The following PCDHA3 variants were observed in gnomAD, a reference collection of about 807,000 sequenced individuals.
PCDHA3 encodes protocadherin alpha-3.
In PCDHA3, 41 loss-of-function variants were observed where a neutral mutation model predicts 62.2. The ratio of observed to expected loss-of-function variants is 0.66; its 90% CI spans 0.51 to 0.86. PCDHA3 has a LOEUF of 0.86. Ranked by LOEUF, PCDHA3 falls within the 40% of genes least tolerant of loss-of-function variation. The pLI is 0.00. For missense variants in PCDHA3, 1,304 were observed against 1,241.2 expected (o/e 1.05, Z -0.76); for synonymous variants, 640 against 555.4 (o/e 1.15, Z -2.14).
At position 141,010,202 on chromosome 5, in the gene PCDHA3, GC is replaced by G. The variant is rs1308553255; in HGVS notation, c.*267del. 6.4e-7 allele frequency: 1 copy of G among 1,551,944 alleles called. No individual in the cohort carries two copies. The highest frequency in any genetic ancestry group is 8.7e-7 in the Non-Finnish European group (1 of 1,147,050). The stretch of plus-strand genomic sequence containing the variant: ...CAGACCCAAGTTTCCTTTCTCCTCC[GC>G]CGCAAAGGAGAGGCTTCCCAGCCCC... On this transcript the variant is annotated 3_prime_UTR_variant, in exon 4 of 4. Transcript: ENST00000522353.
chr5:140,851,867 A>T, intron 1 of PCDHA3: 2 of 977,010 alleles, frequency 2.0e-6, no homozygotes, highest in South Asian at 9.5e-5. Context: ...CATACATAAC[A>T]CAAGGCAGAA....
At chr5:140,883,165 T>C in intron 1 of PCDHA3, 1 of 1,613,752 alleles carries the variant, frequency 6.2e-7, no homozygotes, top group Non-Finnish European at 8.5e-7. Context: ...ATCCGAACAA[T>C]GGAGAAATTA....
chr5:140,970,400 C>T (rs1586425210), intron 1 of PCDHA3, among the ~76,000 whole-genome samples: 1 of 152,162 alleles, frequency 6.6e-6, no homozygotes, highest in Non-Finnish European at 1.5e-5. Context: ...AAGTGGATGG[C>T]TTACCCTACA....
intron 1 of PCDHA3, chr5:140,969,130 C>A (rs1353677478): frequency 2.5e-6 from 4 of 1,614,132 alleles, no homozygotes; most frequent in Non-Finnish European, 1.7e-6. Context: ...GCTCCCTCAC[C>A]AAGACCTACT....
At position 140,844,006 on chromosome 5, in the gene PCDHA3, C is replaced by T. The variant is rs1258789343; in HGVS notation, c.2394+40415C>T. Among the ~76,000 whole-genome samples, 3 of 149,656 alleles carry T rather than the reference C, an allele frequency of 2.0e-5. No homozygotes were observed. In the Admixed American group the frequency reaches 2.0e-4, roughly 10 times the overall value. ...ACAGCCGTCTTCTCTGAACAATACT[C>T]TAAGGACGTTCAGGGCATTTTGATC... is the stretch of plus-strand genomic sequence containing the variant. On this transcript the variant is annotated intron_variant, in intron 1 of 3. Coordinates refer to ENST00000522353, the MANE Select transcript of PCDHA3 (RefSeq NM_018906.3).
chr5:140,836,253 G>T (rs2150256519), intron 1 of PCDHA3: 2 of 1,613,806 alleles, frequency 1.2e-6, no homozygotes, highest in Admixed American at 1.7e-5. Context: ...CCCGTTCCGC[G>T]TGGGGCTGTA....
In PCDHA3 at chr5:140,849,592, G is replaced by A. The variant is rs2040979573; in HGVS notation, c.2394+46001G>A. 1.3e-6 allele frequency: 2 copies of A among 1,598,672 alleles called. No individual in the cohort carries two copies. The highest frequency in any genetic ancestry group is 1.7e-6 in the Non-Finnish European group (2 of 1,167,964). On this transcript the variant is annotated intron_variant, in intron 1 of 3. Coordinates refer to ENST00000522353, the MANE Select transcript of PCDHA3 (RefSeq NM_018906.3). Reference sequence around the variant, plus strand: ...CCTGTAAAAGAGGACGCACAACTGGGGACAGTTATTGCCCTGATTAGTGTG... The same window carrying A: ...CCTGTAAAAGAGGACGCACAACTGGAGACAGTTATTGCCCTGATTAGTGTG...
At chr5:140,971,641 C>T (rs1554233513) in intron 1 of PCDHA3, among the ~76,000 whole-genome samples, 1 of 152,078 alleles carries the variant, frequency 6.6e-6, no homozygotes, top group African/African-American at 2.4e-5. Context: ...CATGTGCCTA[C>T]ATTAAAAGTA....
intron 1 of PCDHA3, chr5:140,860,372 C>A (rs1315450697): frequency 1.3e-5 from 2 of 151,984 alleles, no homozygotes; most frequent in Non-Finnish European, 2.9e-5. Flanking sequence ...CAAAGTGAGA[C>A]CCTATTTCAA....
chr5:140,858,904 C>A (rs2045655579), intron 1 of PCDHA3: 1 of 197,854 alleles, frequency 5.1e-6, no homozygotes, highest in East Asian at 1.5e-4. Context: ...TGTAGCGTAC[C>A]ACAGCTTATA....
Position 140,801,339 on chromosome 5 carries a change from A to T in PCDHA3, c.142A>T (p.Ile48Phe). The T allele has an allele frequency of 6.2e-7, 1 of 1,613,296 alleles. No individual in the cohort carries two copies. The highest frequency in any genetic ancestry group is 8.5e-7 in the Non-Finnish European group (1 of 1,179,912). Residue 48 changes from isoleucine (I) to phenylalanine (F), a missense_variant, in exon 1 of 4, where the codon ATC becomes TTC. Physicochemically the swap from Ile to Phe is conservative, Grantham distance 21. Coordinates refer to ENST00000522353, the MANE Select transcript of PCDHA3 (RefSeq NM_018906.3). ...EAKHGTFVGR[I>F]AQDLGLELAE... ...CAAGCATGGCACCTTCGTGGGCCGC[A>T]TCGCGCAGGACCTGGGGCTGGAGCT...
At chr5:140,993,462 T>TCACACACACACACACACA (rs3836747) in intron 3 of PCDHA3, among the ~76,000 whole-genome samples, 2 of 140,938 alleles carry the variant, frequency 1.4e-5, no homozygotes, top group African/African-American at 5.3e-5. Flanking sequence ...TCTTTCTTTC[T>TCACACACACACACACACA]CACACACACA....
intron 1 of PCDHA3, 188 bp downstream of exon 1, chr5:140,803,779 T>A: frequency 1.1e-6 from 1 of 902,636 alleles, no homozygotes; most frequent in Non-Finnish European, 1.6e-6. Flanking sequence ...AAATCAGCAG[T>A]AAGTTATGAT....
At chr5:140,962,667 C>T (rs576054969) in intron 1 of PCDHA3, among the ~76,000 whole-genome samples, 1 of 152,272 alleles carries the variant, frequency 6.6e-6, no homozygotes, top group East Asian at 1.9e-4. Flanking sequence ...TTCATCTTCC[C>T]ATCCACTGGA....
At chr5:140,870,273 C>G (rs1307506968) in intron 1 of PCDHA3, 3 of 1,614,192 alleles carry the variant, frequency 1.9e-6, no homozygotes, top group South Asian at 2.2e-5. Flanking sequence ...CGCTGACGCC[C>G]CACGTTCCCT....
At chr5:140,995,546 C>T (rs2097688546) in intron 3 of PCDHA3, among the ~76,000 whole-genome samples, 1 of 152,184 alleles carries the variant, frequency 6.6e-6, no homozygotes, top group African/African-American at 2.4e-5. Context: ...AAGGGGCGAT[C>T]ACTGTACTGA....
At chr5:140,876,957 G>T (rs2056730695) in intron 1 of PCDHA3, 7 of 1,613,178 alleles carry the variant, frequency 4.3e-6, no homozygotes, top group Non-Finnish European at 5.9e-6. Context: ...ACTCGCTGGT[G>T]GAGCGGCGGG....
At chr5:140,810,445 C>G (rs1312251271) in intron 1 of PCDHA3, 2 of 152,190 alleles carry the variant, frequency 1.3e-5, no homozygotes, top group South Asian at 2.1e-4. Context: ...TGTTTACATT[C>G]CTAGTAGTGC....
At chr5:140,957,897 C>A (rs1563294637) in intron 1 of PCDHA3, among the ~76,000 whole-genome samples, 2 of 151,908 alleles carry the variant, frequency 1.3e-5, no homozygotes, top group East Asian at 3.9e-4. Context: ...TGGCATCAAC[C>A]AAGGCATATT....
Sources: gnomAD v4.1 joint callset for allele counts (sites outside exome capture counted in the v4.1 genomes callset) on GRCh38, gnomAD v4.1.1 for gene constraint, MANE v1.5 for transcripts, NCBI Gene and HGNC (gene_info 2026-07-23, HGNC 2026-07-21) for gene names.